Variants in PLA2G4E observed in about 807,000 individuals in gnomAD.
The protein encoded by PLA2G4E is cytosolic phospholipase A2 epsilon.
Under a neutral mutation model 109.1 loss-of-function variants are expected in PLA2G4E, and 84 were observed. The ratio of observed to expected loss-of-function variants is 0.77; its 90% CI spans 0.65 to 0.92. The LOEUF (loss-of-function observed/expected upper bound fraction) is 0.92. Among genes scored for constraint, PLA2G4E ranks in the 40% least tolerant of loss-of-function variants. PLA2G4E has a pLI of 0.00. For missense variants in PLA2G4E, 1,057 were observed against 1,076.6 expected (o/e 0.98, Z 0.25); for synonymous variants, 469 against 436.1 (o/e 1.08, Z -0.94).
chr15:41,991,835 G>A (rs2068253591), intron 13 of PLA2G4E, among the ~76,000 whole-genome samples: 1 of 152,158 alleles, frequency 6.6e-6, no homozygotes, highest in Non-Finnish European at 1.5e-5. Flanking sequence ...CTGGACAGAG[G>A]TGGGAAGCTC....
At chr15:42,031,135 T>A (rs1352265621) in intron 1 of PLA2G4E, among the ~76,000 whole-genome samples, 3 of 151,966 alleles carry the variant, frequency 2.0e-5, no homozygotes, top group Non-Finnish European at 1.5e-5. Flanking sequence ...GCCCAGCTAA[T>A]TAAAAAAAAA....
At chr15:41,994,291 G>A (rs1162290617) in intron 12 of PLA2G4E, among the ~76,000 whole-genome samples, 1 of 66,270 alleles carries the variant, frequency 1.5e-5, no homozygotes, top group African/African-American at 5.6e-5. Flanking sequence ...CTGGGCTGGC[G>A]CCTCTGCCCC....
chr15:42,029,321 C>T (rs919288923), intron 1 of PLA2G4E, among the ~76,000 whole-genome samples: 1 of 152,148 alleles, frequency 6.6e-6, no homozygotes. Context: ...GTCTCAAACA[C>T]CTGGGCTCAA....
intron 1 of PLA2G4E, among the ~76,000 whole-genome samples, chr15:42,014,564 C>T (rs1361709303): frequency 6.6e-6 from 1 of 152,176 alleles, no homozygotes; most frequent in Admixed American, 6.5e-5. Flanking sequence ...AGGGGGGTGA[C>T]AGACACTGAT....
chr15:42,000,749 A>G (rs1259355553), intron 7 of PLA2G4E, among the ~76,000 whole-genome samples: 1 of 152,190 alleles, frequency 6.6e-6, no homozygotes, highest in Non-Finnish European at 1.5e-5. Context: ...GGTCTCTGCC[A>G]GCTATAAAGT....
At chr15:41,981,597 A>G (rs545845159) in exon 20 of PLA2G4E, 1 of 152,224 alleles carries the variant, frequency 6.6e-6, no homozygotes, top group Non-Finnish European at 1.5e-5. Context: ...CCACATGGCC[A>G]TTTTATTCCA....
chr15:41,999,018 C>A (rs564108599), intron 10 of PLA2G4E: 1 of 151,946 alleles, frequency 6.6e-6, no homozygotes, highest in African/African-American at 2.4e-5. Flanking sequence ...CACCACTGCA[C>A]TCCAGCCTGG....
intron 13 of PLA2G4E, among the ~76,000 whole-genome samples, 155 bp from the exon 14 acceptor site, chr15:41,990,390 C>T (rs2068223950): frequency 6.6e-6 from 1 of 152,172 alleles, no homozygotes; most frequent in African/African-American, 2.4e-5. Flanking sequence ...AGCCAAATCA[C>T]TCTGAAAGGG....
intron 12 of PLA2G4E, among the ~76,000 whole-genome samples, chr15:41,993,903 G>T (rs775054136): frequency 2.1e-4 from 32 of 152,104 alleles, no homozygotes; most frequent in Non-Finnish European, 3.5e-4. Context: ...AAAAGAATAC[G>T]ACTTGTGCTT....
At chr15:42,004,650 C>A (rs992710011) in intron 5 of PLA2G4E, among the ~76,000 whole-genome samples, 6 of 152,080 alleles carry the variant, frequency 3.9e-5, no homozygotes, top group African/African-American at 1.4e-4. Context: ...CAGAAGCCAC[C>A]CTTGGGAATG....
chr15:42,013,520 A>G (rs1389023514), intron 2 of PLA2G4E, among the ~76,000 whole-genome samples, 165 bp downstream of exon 2: 1 of 152,184 alleles, frequency 6.6e-6, no homozygotes, highest in Non-Finnish European at 1.5e-5. Context: ...AGTATAGAAC[A>G]CACATTCGTG....
intron 2 of PLA2G4E, among the ~76,000 whole-genome samples, chr15:42,012,558 C>G (rs1276026680): frequency 6.6e-6 from 1 of 152,186 alleles, no homozygotes; most frequent in Non-Finnish European, 1.5e-5. Flanking sequence ...AGGACAGCCT[C>G]TCCCCAAGAT....
At chr15:41,998,812 G>A (rs1385543781) in intron 10 of PLA2G4E, 1 of 152,236 alleles carries the variant, frequency 6.6e-6, no homozygotes, top group African/African-American at 2.4e-5. Context: ...CCAGCACTTT[G>A]GGAAGCCGAG....
intron 1 of PLA2G4E, among the ~76,000 whole-genome samples, chr15:42,021,322 C>T (rs1171829769): frequency 1.3e-5 from 2 of 151,946 alleles, no homozygotes; most frequent in East Asian, 1.9e-4. Flanking sequence ...AAGAAGAGGA[C>T]ACTGGACCCA....
intron 1 of PLA2G4E, chr15:42,050,458 G>T: frequency 6.7e-7 from 1 of 1,481,632 alleles, no homozygotes; most frequent in Non-Finnish European, 9.1e-7. Flanking sequence ...ATCTTATTCC[G>T]AGTCAGGAAA....
chr15:42,000,181 C>T (rs761028513), exon 8 of PLA2G4E: 31 of 1,594,512 alleles, frequency 1.9e-5, no homozygotes, highest in East Asian at 9.1e-5. Context: ...AAGCAGGCAG[C>T]GGTTTGGAAG....
chr15:42,006,902 A>G (rs1450759044), intron 3 of PLA2G4E, among the ~76,000 whole-genome samples: 1 of 152,240 alleles, frequency 6.6e-6, no homozygotes, highest in African/African-American at 2.4e-5. Context: ...CAGCAGCTCC[A>G]CAATCCAAAG....
chr15:42,024,928 C>T (rs200790154), intron 1 of PLA2G4E, among the ~76,000 whole-genome samples: 18 of 152,064 alleles, frequency 1.2e-4, no homozygotes, highest in Non-Finnish European at 1.6e-4. Flanking sequence ...GAGCCAGGCG[C>T]GGTGGCTCAC....
At chr15:42,033,802 G>C (rs78771905) in intron 1 of PLA2G4E, among the ~76,000 whole-genome samples, 2,802 of 152,328 alleles carry the variant, frequency 0.018, 99 homozygotes, top group African/African-American at 0.064. Flanking sequence ...CTGGCCCTGG[G>C]TGGAGTGGGC....
Sources: allele counts gnomAD v4.1 joint callset (sites outside exome capture counted in the v4.1 genomes callset), GRCh38; gene constraint gnomAD v4.1.1; transcripts MANE v1.5; gene names NCBI Gene and HGNC (gene_info 2026-07-23, HGNC 2026-07-21).